LRRCC1: variants seen among roughly 807,000 people sequenced by gnomAD.
LRRCC1 encodes the protein leucine rich repeat and coiled-coil centrosomal protein 1.
LRRCC1 carries 115 observed loss-of-function variants against 126.0 expected under a neutral mutation model. That is an observed-to-expected ratio of 0.91 (90% CI 0.78 to 1.07). The LOEUF (loss-of-function observed/expected upper bound fraction) is 1.07, where lower values mean the gene tolerates loss of function less well. Among genes scored for constraint, LRRCC1 ranks in the 50% least tolerant of loss-of-function variants. The pLI, the probability that LRRCC1 is intolerant of heterozygous loss-of-function variation, is 0.00. For synonymous variants in LRRCC1, 400 were observed against 393.4 expected (o/e 1.02, Z -0.20); for missense variants, 1,172 against 1,175.7 (o/e 1.00, Z 0.05).
chr8:85,116,689 T>G (rs896495938), intron 6 of LRRCC1, among the ~76,000 whole-genome samples: 1 of 152,160 alleles, frequency 6.6e-6, no homozygotes, highest in South Asian at 2.1e-4. Flanking sequence ...AACTAAATTT[T>G]CTTAGTCAAA....
chr8:85,139,163 A>G (rs1811078777), intron 17 of LRRCC1, among the ~76,000 whole-genome samples: 1 of 152,226 alleles, frequency 6.6e-6, no homozygotes, highest in African/African-American at 2.4e-5. Context: ...AGTGGAATTT[A>G]GAGGAGACTG....
chr8:85,115,416 G>A lies in LRRCC1; in HGVS notation c.762G>A (p.Glu254=). 2 of 1,613,750 alleles carry A rather than the reference G, an allele frequency of 1.2e-6. No homozygotes were observed. Among genetic ancestry groups the A allele is most frequent in the Non-Finnish European group, 1.7e-6 (2 of 1,179,744 alleles). ...RMPVITAPID[E]LVPLEQFAST... ...CAGTGATAACAGCACCTATCGATGA[G>A]TTAGTTCCCTTGGAACAGTTTGCAA... The change falls in exon 6 of 19, where the codon GAG becomes GAA. Residue 254 remains glutamate, a synonymous_variant. Transcript: ENST00000360375.
Position 85,129,293 on chromosome 8 carries a change from C to T in LRRCC1, c.1540C>T (p.Gln514Ter), listed in dbSNP as rs1392632166. Reference sequence around the variant, plus strand: ...TGAACTAATGAAAGCAAAAGATCAACAAGAGGATCACCTTAAACACTTAAG... The same window carrying T: ...TGAACTAATGAAAGCAAAAGATCAATAAGAGGATCACCTTAAACACTTAAG... ...TVELMKAKDQ[Q>*]EDHLKHLRTL... Residue 514 changes from glutamine to a stop codon, truncating the protein, a stop_gained, in exon 10 of 19, where the codon CAA becomes TAA. Coordinates refer to ENST00000360375, the MANE Select transcript of LRRCC1 (RefSeq NM_033402.5). LOFTEE classifies it high-confidence loss of function. 6.2e-7 allele frequency: 1 copy of T among 1,613,604 alleles called. No individual in the cohort carries two copies. Among genetic ancestry groups the T allele is most frequent in the Non-Finnish European group, 8.5e-7 (1 of 1,179,800 alleles).
intron 17 of LRRCC1, 141 bp downstream of exon 17, chr8:85,138,616 T>G: frequency 1.2e-6 from 1 of 858,986 alleles, no homozygotes; most frequent in Middle Eastern, 3.0e-4. Flanking sequence ...ATTTCATCTG[T>G]AAAATGAAGA....
At chr8:85,107,579 A>G (rs1808341232) in intron 1 of LRRCC1, 180 bp downstream of exon 1, 2 of 525,930 alleles carry the variant, frequency 3.8e-6, no homozygotes, top group Admixed American at 3.4e-5. Context: ...GCCAGGTTGA[A>G]TGAGCCGTGG....
intron 2 of LRRCC1, 136 bp from the exon 3 acceptor site, chr8:85,109,979 C>A: frequency 1.7e-6 from 1 of 599,256 alleles, no homozygotes; most frequent in South Asian, 2.7e-5. Flanking sequence ...TTTCTAAATG[C>A]CAATAAAATT....
rs776269737 is a variant in LRRCC1, at chr8:85,107,426, G to T, written c.104+27G>T. On this transcript the variant is annotated intron_variant, in intron 1 of 18. Coordinates refer to ENST00000360375, the MANE Select transcript of LRRCC1 (RefSeq NM_033402.5). ...TAAAGGGCGCTCCGCAGCCAGGAGC[G>T]ACCCGCGCACTCCCCAGAGCCGGGG... The T allele has an allele frequency of 3.2e-6, 5 of 1,584,110 alleles. No individual in the cohort carries two copies. In the South Asian group the frequency reaches 4.5e-5, roughly 14 times the overall value.
chr8:85,110,929 C>T (rs950594412), intron 3 of LRRCC1, among the ~76,000 whole-genome samples: 2 of 152,116 alleles, frequency 1.3e-5, no homozygotes, highest in African/African-American at 2.4e-5. Context: ...ATTCATTTGT[C>T]GACTCTTCTC....
intron 8 of LRRCC1, among the ~76,000 whole-genome samples, chr8:85,126,402 C>G (rs1810001259): frequency 6.6e-6 from 1 of 151,824 alleles, no homozygotes; most frequent in African/African-American, 2.4e-5. Flanking sequence ...ACTAAAAATA[C>G]AAAAAAACAG....
chr8:85,116,811 G>A (rs963749503), intron 6 of LRRCC1, among the ~76,000 whole-genome samples: 2 of 152,138 alleles, frequency 1.3e-5, no homozygotes, highest in Non-Finnish European at 2.9e-5. Flanking sequence ...TATTAATAAT[G>A]CTGGATAAAC....
intron 18 of LRRCC1, among the ~76,000 whole-genome samples, chr8:85,144,007 T>A (rs879596933): frequency 2.0e-5 from 3 of 152,212 alleles, no homozygotes; most frequent in Non-Finnish European, 2.9e-5. Flanking sequence ...AATGGTCATA[T>A]TGGTAACATT....
At chr8:85,108,578 C>T (rs1347194550) in intron 1 of LRRCC1, 2 of 152,192 alleles carry the variant, frequency 1.3e-5, no homozygotes, top group African/African-American at 4.8e-5. Context: ...AAATGACTGT[C>T]ATTAAGAGCA....
Position 85,145,282 on chromosome 8 carries a change from A to G in LRRCC1, c.2977-107A>G, listed in dbSNP as rs1811595343. 8 of 851,644 alleles carry G rather than the reference A, an allele frequency of 9.4e-6. No homozygotes were observed. In the East Asian group the frequency reaches 1.5e-4, roughly 16 times the overall value. The allele number at this position is 851,644 out of a possible 1,614,324, so 52.8% of individuals were successfully genotyped here. ...CTGACATTTCTTTAAATACATCACA[A>G]ATTTCAAAATGTGTAAGAATAAATT... On this transcript the variant is annotated intron_variant, in intron 18 of 18. Coordinates refer to ENST00000360375, the MANE Select transcript of LRRCC1 (RefSeq NM_033402.5).
At position 85,134,862 on chromosome 8, in the gene LRRCC1, G is replaced by A. The variant is rs1426717133; in HGVS notation, c.1984G>A (p.Glu662Lys). Residue 662 changes from glutamate to lysine, a missense_variant, in exon 13 of 19, where the codon GAA becomes AAA. Transcript: ENST00000360375. The part of the protein sequence containing the change: ...RRFQDVKDGF[E>K]NVATELAKSK... Reference sequence around the variant, plus strand: ...TGGAATATAGGTTAAAGATGGTTTTGAAAATGTTGCAACTGAGTTAGCAAA... The same window carrying A: ...TGGAATATAGGTTAAAGATGGTTTTAAAAATGTTGCAACTGAGTTAGCAAA... 1.3e-6 allele frequency: 2 copies of A among 1,571,468 alleles called. No individual in the cohort carries two copies. The highest frequency in any genetic ancestry group is 1.7e-4 in the Middle Eastern group (1 of 5,878).
intron 8 of LRRCC1, 107 bp from the exon 9 acceptor site, chr8:85,126,582 C>A: frequency 1.1e-6 from 1 of 892,108 alleles, no homozygotes; most frequent in Non-Finnish European, 1.7e-6. Flanking sequence ...TTCACTGTAG[C>A]TCTTTGAAGT....
intron 1 of LRRCC1, chr8:85,108,775 C>T (rs552436698): frequency 6.6e-6 from 1 of 152,292 alleles, no homozygotes; most frequent in Non-Finnish European, 1.5e-5. Context: ...ACAGCAGATG[C>T]CCGTGACATT....
chr8:85,134,751 C>A, intron 12 of LRRCC1, 96 bp from the exon 13 acceptor site: 1 of 742,412 alleles, frequency 1.3e-6, no homozygotes, highest in Non-Finnish European at 2.1e-6. Context: ...ATCTTTAAAT[C>A]TTATTCTTTT....
chr8:85,128,862 T>C (rs542444397), intron 9 of LRRCC1, among the ~76,000 whole-genome samples: 1 of 152,344 alleles, frequency 6.6e-6, no homozygotes, highest in African/African-American at 2.4e-5. Flanking sequence ...ACCATCTTTA[T>C]TGATACTTTT....
At position 85,135,802 on chromosome 8, in the gene LRRCC1, C is replaced by T; in HGVS notation, c.2168C>T (p.Thr723Ile). The T allele has an allele frequency of 6.5e-7, 1 of 1,540,182 alleles. No individual in the cohort carries two copies. Among genetic ancestry groups the T allele is most frequent in the Non-Finnish European group, 8.7e-7 (1 of 1,143,034 alleles). The change falls in exon 14 of 19, where the codon ACC becomes ATC. Residue 723 changes from threonine (T) to isoleucine (I), a missense_variant. By Grantham distance (89) the Thr-to-Ile change is moderately conservative. Transcript: ENST00000360375. ...TAANLQNQIN[T>I]LEILIEDDKQ... ...GGGAATATACAGAATCAAATCAACACCCTTGAAATTTTAATTGAAGATGAC... is the reference window on the plus strand; with the variant it reads ...GGGAATATACAGAATCAAATCAACATCCTTGAAATTTTAATTGAAGATGAC...
Sources: gnomAD v4.1 joint callset for allele counts (sites outside exome capture counted in the v4.1 genomes callset) on GRCh38, gnomAD v4.1.1 for gene constraint, MANE v1.5 for transcripts, NCBI Gene and HGNC (gene_info 2026-07-23, HGNC 2026-07-21) for gene names.